Variants in SNX8 observed in about 807,000 individuals in gnomAD.
SNX8 encodes sorting nexin-8.
A neutral mutation model predicts 51.6 loss-of-function variants in SNX8; 25 were observed. The ratio of observed to expected loss-of-function variants is 0.48; its 90% CI spans 0.35 to 0.68. The LOEUF (loss-of-function observed/expected upper bound fraction) is 0.68, where lower values mean the gene tolerates loss of function less well. SNX8 is among the 30% of genes least tolerant of loss of function. The pLI, the probability that SNX8 is intolerant of heterozygous loss-of-function variation, is 0.00. For synonymous variants in SNX8, 324 were observed against 277.0 expected (o/e 1.17, Z -1.68); for missense variants, 695 against 624.0 (o/e 1.11, Z -1.21).
At chr7:2,301,134 G>A (rs1796381256) in intron 1 of SNX8, among the ~76,000 whole-genome samples, 1 of 152,224 alleles carries the variant, frequency 6.6e-6, no homozygotes, top group African/African-American at 2.4e-5. Context: ...TGTTATTTAT[G>A]AGAAAGGTCT....
At chr7:2,320,652 A>C (rs1185645287) in intron 1 of SNX8, among the ~76,000 whole-genome samples, 1 of 152,098 alleles carries the variant, frequency 6.6e-6, no homozygotes, top group Admixed American at 6.6e-5. Flanking sequence ...TGAGCCTGGG[A>C]GGTCGAGGCT....
chr7:2,277,198 C>T (rs907877017), intron 2 of SNX8, among the ~76,000 whole-genome samples: 10 of 152,146 alleles, frequency 6.6e-5, no homozygotes, highest in African/African-American at 1.2e-4. Context: ...CAGAATCTGT[C>T]GTAATGGAAC....
intron 5 of SNX8, among the ~76,000 whole-genome samples, chr7:2,268,019 T>G (rs1795518772): frequency 1.4e-5 from 2 of 147,098 alleles, no homozygotes; most frequent in African/African-American, 2.6e-5. Context: ...GTCTGGGAGG[T>G]GAGGAGCGTC....
At chr7:2,293,220 T>C (rs1796192977) in intron 1 of SNX8, among the ~76,000 whole-genome samples, 1 of 147,124 alleles carries the variant, frequency 6.8e-6, no homozygotes, top group Non-Finnish European at 1.5e-5. Context: ...GCTTAAGTGA[T>C]CCACCCACCT....
chr7:2,300,725 C>T (rs899254103), intron 1 of SNX8, among the ~76,000 whole-genome samples: 1 of 152,106 alleles, frequency 6.6e-6, no homozygotes, highest in African/African-American at 2.4e-5. Context: ...TCCCTGCAAC[C>T]TCCACCTCCT....
At chr7:2,313,403 G>A (rs1316897875) in intron 1 of SNX8, among the ~76,000 whole-genome samples, 1 of 151,698 alleles carries the variant, frequency 6.6e-6, no homozygotes, top group Non-Finnish European at 1.5e-5. Context: ...GTGGATGCCT[G>A]TAATCCCAGC....
chr7:2,273,648 A>C (rs1009585074), intron 3 of SNX8, among the ~76,000 whole-genome samples: 4 of 151,748 alleles, frequency 2.6e-5, no homozygotes, highest in African/African-American at 9.7e-5. Flanking sequence ...TCACACCTGT[A>C]ATCCCAGCAC....
rs1273604926 is a variant in SNX8, at chr7:2,273,882, C to T, written c.418+1230G>A. 2.0e-4 allele frequency among the ~76,000 whole-genome samples: 30 copies of T among 149,302 alleles called. No individual in the cohort carries two copies. In the East Asian group the frequency reaches 5.3e-3, roughly 26 times the overall value. The stretch of plus-strand genomic sequence containing the variant: ...TTGCACCACTGCACTCCAGCCTGGG[C>T]GACAGAGCGAGACTCCATGTAAAAA... On this transcript the variant is annotated intron_variant, in intron 3 of 10. Coordinates refer to ENST00000222990, the MANE Select transcript of SNX8 (RefSeq NM_013321.4).
At chr7:2,323,660 C>G (rs1778578088) in intron 1 of SNX8, among the ~76,000 whole-genome samples, 2 of 152,182 alleles carry the variant, frequency 1.3e-5, no homozygotes, top group Non-Finnish European at 2.9e-5. Flanking sequence ...ACGCATTGGC[C>G]AGGACCAGTG....
intron 4 of SNX8, 77 bp from the exon 5 acceptor site, chr7:2,269,716 G>A: frequency 1.1e-6 from 1 of 935,620 alleles, no homozygotes. Flanking sequence ...GGTCACTGTG[G>A]AGCGGGAGGT....
intron 1 of SNX8, among the ~76,000 whole-genome samples, chr7:2,309,329 C>G (rs1463662623): frequency 6.6e-6 from 1 of 152,196 alleles, no homozygotes; most frequent in South Asian, 2.1e-4. Context: ...TGAGATCATC[C>G]TTCCTGGCCA....
At chr7:2,258,469 C>T (rs931449553) in intron 7 of SNX8, among the ~76,000 whole-genome samples, 1 of 152,060 alleles carries the variant, frequency 6.6e-6, no homozygotes, top group Admixed American at 6.6e-5. Flanking sequence ...ATGCCCCAGA[C>T]CCCCCGACCC....
At chr7:2,289,358 CA>C (rs1796101403) in intron 1 of SNX8, among the ~76,000 whole-genome samples, 1 of 152,172 alleles carries the variant, frequency 6.6e-6, no homozygotes, top group Non-Finnish European at 1.5e-5. Context: ...ACGGGATCTG[CA>C]TATGTTCAGC....
intron 6 of SNX8, 56 bp from the exon 7 acceptor site, chr7:2,263,418 A>C: frequency 6.6e-7 from 1 of 1,519,666 alleles, no homozygotes; most frequent in Non-Finnish European, 8.9e-7. Context: ...CTCACCTGGC[A>C]GTCGAGTCTG....
chr7:2,310,299 G>T (rs889237358), intron 1 of SNX8, among the ~76,000 whole-genome samples: 1 of 152,142 alleles, frequency 6.6e-6, no homozygotes. Context: ...GAATGTTCCG[G>T]TCAATCAGAT....
At chr7:2,287,656 C>T (rs528276852) in intron 1 of SNX8, among the ~76,000 whole-genome samples, 2 of 152,010 alleles carry the variant, frequency 1.3e-5, no homozygotes, top group African/African-American at 4.8e-5. Context: ...GAGACTGAGG[C>T]AGGAGAATCG....
In SNX8 at chr7:2,303,577, G is replaced by A. The variant is rs545995211; in HGVS notation, c.94+10751C>T. Among the ~76,000 whole-genome samples the A allele has an allele frequency of 5.5e-3, 836 of 152,350 alleles. 7 individuals carry two copies. Among genetic ancestry groups the A allele is most frequent in the Non-Finnish European group, 8.0e-3 (542 of 68,032 alleles). On this transcript the variant is annotated intron_variant, in intron 1 of 10. Transcript: ENST00000222990. ...TGCCGTGTCTGTGTAGAAAGAAGTA[G>A]ACATGGGAGACTTTTCATTTTGTTC...
At chr7:2,263,199 A>T (rs967785624) in intron 7 of SNX8, 31 bp downstream of exon 7, 25 of 1,612,092 alleles carry the variant, frequency 1.6e-5, no homozygotes, top group Non-Finnish European at 2.1e-5. Flanking sequence ...TGTTCTCTGG[A>T]ACAGGCGCCT....
At chr7:2,268,449 TGG>T (rs1221305237) in intron 5 of SNX8, among the ~76,000 whole-genome samples, 2 of 105,760 alleles carry the variant, frequency 1.9e-5, no homozygotes, top group African/African-American at 3.7e-5. Flanking sequence ...GGGAGGGAGG[TGG>T]GGGGGGTCAG....
Sources: allele counts gnomAD v4.1 joint callset (sites outside exome capture counted in the v4.1 genomes callset), GRCh38; gene constraint gnomAD v4.1.1; transcripts MANE v1.5; gene names NCBI Gene and HGNC (gene_info 2026-07-23, HGNC 2026-07-21).